Variants in LRMDA observed in about 807,000 individuals in gnomAD.
LRMDA encodes leucine-rich melanocyte differentiation-associated protein.
Under a neutral mutation model 29.8 loss-of-function variants are expected in LRMDA, and 18 were observed. The ratio of observed to expected loss-of-function variants is 0.60; its 90% CI spans 0.42 to 0.90. The LOEUF is 0.90. LRMDA is among the 40% of genes least tolerant of loss of function. The pLI, the probability that LRMDA is intolerant of heterozygous loss-of-function variation, is 0.00. For synonymous variants in LRMDA, 125 were observed against 109.4 expected, an observed-to-expected ratio of 1.14 and a Z score of -0.89; for missense variants, 273 against 273.9, an observed-to-expected ratio of 1.00 and a Z score of 0.02.
At chr10:75,669,100 C>G (rs1336857170) in intron 2 of LRMDA, among the ~76,000 whole-genome samples, 4 of 152,148 alleles carry the variant, frequency 2.6e-5, no homozygotes. Context: ...TCCTCTCTAC[C>G]ATATTTAGCC....
At chr10:76,474,642 C>T (rs1004571672) in intron 6 of LRMDA, among the ~76,000 whole-genome samples, 2 of 151,612 alleles carry the variant, frequency 1.3e-5, no homozygotes, top group African/African-American at 2.4e-5. Flanking sequence ...CATCATTAGC[C>T]ATTAGGAAAA....
chr10:75,758,147 G>A (rs1843055062), intron 2 of LRMDA, among the ~76,000 whole-genome samples: 1 of 152,226 alleles, frequency 6.6e-6, no homozygotes, highest in Non-Finnish European at 1.5e-5. Flanking sequence ...TGAACCGTAA[G>A]AGGGACCTTC....
chr10:75,441,633 GC>G (rs1342829820), intron 2 of LRMDA, among the ~76,000 whole-genome samples: 1 of 152,014 alleles, frequency 6.6e-6, no homozygotes, highest in Admixed American at 6.6e-5. Flanking sequence ...TTTCTCCCAG[GC>G]CCTTTCTCTC....
At chr10:75,723,362 T>A (rs888546058) in intron 2 of LRMDA, among the ~76,000 whole-genome samples, 5 of 152,238 alleles carry the variant, frequency 3.3e-5, no homozygotes, top group Non-Finnish European at 5.9e-5. Context: ...AGTAGACAAC[T>A]GCATGGTAAC....
At chr10:76,407,488 A>T (rs1379589931) in intron 6 of LRMDA, among the ~76,000 whole-genome samples, 1 of 152,226 alleles carries the variant, frequency 6.6e-6, no homozygotes, top group East Asian at 1.9e-4. Context: ...CCAATGCAAG[A>T]ATAACTTCTA....
intron 2 of LRMDA, among the ~76,000 whole-genome samples, chr10:75,616,237 CAGT>C (rs1231965950): frequency 1.3e-4 from 19 of 144,762 alleles, no homozygotes; most frequent in African/African-American, 5.2e-4. Context: ...GTAATAGTAG[CAGT>C]AGCAGCAGTA....
intron 2 of LRMDA, among the ~76,000 whole-genome samples, chr10:75,564,319 G>T (rs535847445): frequency 2.9e-4 from 44 of 152,316 alleles, no homozygotes; most frequent in South Asian, 6.2e-4. Context: ...GACTCTGTGG[G>T]CATAGGACCC....
rs553231084 is a variant in LRMDA, at chr10:76,331,697, G to T, written c.601+7212G>T. Among the ~76,000 whole-genome samples, 4 of 152,114 alleles carry T rather than the reference G, an allele frequency of 2.6e-5. No homozygotes were observed. The South Asian group carries it at 6.2e-4, about 24-fold the overall frequency. On this transcript the variant is annotated intron_variant, in intron 6 of 6. Transcript: ENST00000611255. ...TGACTGTGTGGGGGAAGAGTGTGTT[G>T]GTTCCTCGTGCAGAACTATTATTAG...
chr10:75,517,400 T>C (rs1845303499), intron 2 of LRMDA, among the ~76,000 whole-genome samples: 1 of 152,204 alleles, frequency 6.6e-6, no homozygotes, highest in Non-Finnish European at 1.5e-5. Context: ...TAGTTCTGCT[T>C]GAAGAGGTCC....
chr10:76,277,978 A>G (rs568355105), intron 5 of LRMDA, among the ~76,000 whole-genome samples: 1 of 152,072 alleles, frequency 6.6e-6, no homozygotes, highest in African/African-American at 2.4e-5. Context: ...GGGTGTACCC[A>G]GTTGTTAGTT....
At chr10:75,557,930 A>G (rs893942150) in intron 2 of LRMDA, among the ~76,000 whole-genome samples, 5 of 152,132 alleles carry the variant, frequency 3.3e-5, no homozygotes, top group African/African-American at 1.2e-4. Flanking sequence ...GAGGCCTGGC[A>G]TGAGTGACTT....
chr10:76,084,077 G>A (rs1353777815), intron 5 of LRMDA, among the ~76,000 whole-genome samples: 2 of 152,198 alleles, frequency 1.3e-5, no homozygotes, highest in Non-Finnish European at 2.9e-5. Flanking sequence ...AGTGGCTAGG[G>A]AAAGGCACAA....
chr10:75,779,650 G>T (rs929978656), intron 2 of LRMDA, among the ~76,000 whole-genome samples: 1 of 152,172 alleles, frequency 6.6e-6, no homozygotes. Flanking sequence ...ACACCACAAG[G>T]CTTCGTTTCT....
Position 75,608,130 on chromosome 10 carries a change from A to G in LRMDA, c.131+169636A>G, listed in dbSNP as rs1018186548. ...TGTGTGTATATATATATATATATATACACACACATACACAAAGCAATATTA... is the reference window on the plus strand; with the variant it reads ...TGTGTGTATATATATATATATATATGCACACACATACACAAAGCAATATTA... On this transcript the variant is annotated intron_variant, in intron 2 of 6. Transcript: ENST00000611255. Among the ~76,000 whole-genome samples, 49 of 48,814 alleles carry G rather than the reference A, an allele frequency of 1.0e-3. 1 individual carries two copies. Among genetic ancestry groups the G allele is most frequent in the Admixed American group, 5.5e-3 (18 of 3,296 alleles). The allele number at this position is 48,814 out of a possible 152,430, so 32.0% of individuals were successfully genotyped here.
In LRMDA at chr10:76,462,059, C is replaced by CAAAA. The variant is rs386371868; in HGVS notation, c.602-95136_602-95133dup. The stretch of plus-strand genomic sequence containing the variant: ...GAGGACCACAGAGGGAACTCTGTCT[C>CAAAA]AAAAAAAAAAAAAAAAACCACACAC... On this transcript the variant is annotated intron_variant, in intron 6 of 6. Transcript: ENST00000611255. Among the ~76,000 whole-genome samples the CAAAA allele has an allele frequency of 2.9e-4, 35 of 122,116 alleles. 1 individual carries two copies. Among genetic ancestry groups the CAAAA allele is most frequent in the African/African-American group, 8.1e-4 (26 of 32,100 alleles). The allele number at this position is 122,116 out of a possible 152,430, so 80.1% of individuals were successfully genotyped here.
At chr10:76,044,533 G>T (rs1848397131) in intron 3 of LRMDA, among the ~76,000 whole-genome samples, 1 of 146,730 alleles carries the variant, frequency 6.8e-6, no homozygotes, top group Non-Finnish European at 1.5e-5. Context: ...CCCTGGAATT[G>T]TTCACTGTCA....
At chr10:76,137,765 C>T (rs1850122413) in intron 5 of LRMDA, among the ~76,000 whole-genome samples, 1 of 144,592 alleles carries the variant, frequency 6.9e-6, no homozygotes. Flanking sequence ...AAACACAGTC[C>T]CTATGGCAAA....
chr10:76,123,658 T>G (rs1257764884), intron 5 of LRMDA, among the ~76,000 whole-genome samples: 3 of 152,214 alleles, frequency 2.0e-5, no homozygotes, highest in Non-Finnish European at 4.4e-5. Flanking sequence ...AAACTGTAGG[T>G]TAGGATAGTC....
At chr10:75,639,240 A>G (rs1208281436) in intron 2 of LRMDA, among the ~76,000 whole-genome samples, 1 of 152,210 alleles carries the variant, frequency 6.6e-6, no homozygotes, top group East Asian at 1.9e-4. Flanking sequence ...AGTCACCCAA[A>G]CAAGGCATTT....
Sources: gnomAD v4.1 joint callset for allele counts (sites outside exome capture counted in the v4.1 genomes callset) on GRCh38, gnomAD v4.1.1 for gene constraint, MANE v1.5 for transcripts, NCBI Gene and HGNC (gene_info 2026-07-23, HGNC 2026-07-21) for gene names.